The following CLASP1 variants were observed in gnomAD, a reference collection of about 807,000 sequenced individuals.
The protein encoded by CLASP1 is cytoplasmic linker associated protein 1, also known as CLIP-associating protein 1.
CLASP1 carries 38 observed loss-of-function variants against 192.3 expected under a neutral mutation model. The observed-to-expected ratio is 0.20, with a 90% confidence interval of 0.15 to 0.26. The LOEUF is 0.26. CLASP1 is among the 10% of genes least tolerant of loss of function. The probability of loss-of-function intolerance (pLI) is 1.00; values close to 1 mark genes in which losing one functional copy is unlikely to be tolerated. For missense variants in CLASP1, 1,433 were observed against 1,932.5 expected, an observed-to-expected ratio of 0.74 and a Z score of 4.85; for synonymous variants, 691 against 712.8, an observed-to-expected ratio of 0.97 and a Z score of 0.49.
At position 121,394,497 on chromosome 2, in the gene CLASP1, T is replaced by C. The variant is rs150251862; in HGVS notation, c.3123+2643A>G. On this transcript the variant is annotated intron_variant, in intron 30 of 39. Coordinates refer to ENST00000263710, the Ensembl canonical transcript of CLASP1. ...TTAATCTTATTGAGGAACTTGTGCA[T>C]GGGATGAGTTTCTCCCCTCTTGCTG... Among the ~76,000 whole-genome samples the C allele has an allele frequency of 3.9e-5, 6 of 152,342 alleles. No homozygotes were observed. The East Asian group carries it at 7.7e-4, about 20-fold the overall frequency.
rs542488523 is a variant in CLASP1 at position 121,422,690 on chromosome 2, T to C, written c.2212+2449A>G. 3.9e-5 allele frequency among the ~76,000 whole-genome samples: 6 copies of C among 152,276 alleles called. No individual in the cohort carries two copies. In the South Asian group the frequency reaches 8.3e-4, roughly 21 times the overall value. On this transcript the variant is annotated intron_variant, in intron 22 of 39. Coordinates refer to ENST00000263710, the Ensembl canonical transcript of CLASP1. The stretch of plus-strand genomic sequence containing the variant: ...AATAGGAATTACAGGCTGTTCTGCT[T>C]AAGAAAATCTAAATGCCAAAGAAGA...
At chr2:121,458,931 T>G in exon 13 of CLASP1, 1 of 1,613,026 alleles carries the variant, frequency 6.2e-7, no homozygotes, top group Non-Finnish European at 8.5e-7. Flanking sequence ...CATAATGGCT[T>G]CAGCTCCATG....
chr2:121,635,796 T>G (rs1372481572), intron 1 of CLASP1, among the ~76,000 whole-genome samples: 1 of 152,226 alleles, frequency 6.6e-6, no homozygotes, highest in Admixed American at 6.5e-5. Context: ...TTTTTGAGAC[T>G]AAGAGCATTT....
chr2:121,451,175 C>T (rs1328571307), intron 15 of CLASP1, among the ~76,000 whole-genome samples, 185 bp from the exon 16 acceptor site: 1 of 152,228 alleles, frequency 6.6e-6, no homozygotes, highest in Non-Finnish European at 1.5e-5. Flanking sequence ...AACTCCCAAT[C>T]CTGCCCCAAC....
intron 2 of CLASP1, chr2:121,531,129 GTTCT>G: frequency 1.6e-6 from 1 of 620,030 alleles, no homozygotes; most frequent in South Asian, 1.8e-5. Context: ...CGCAAGTAAA[GTTCT>G]TTCAGTTTTT....
At chr2:121,478,146 C>T (rs192868053) in intron 8 of CLASP1, among the ~76,000 whole-genome samples, 4 of 152,146 alleles carry the variant, frequency 2.6e-5, no homozygotes, top group African/African-American at 7.2e-5. Flanking sequence ...TAGCCATGTG[C>T]GACTTATCCC....
intron 8 of CLASP1, among the ~76,000 whole-genome samples, chr2:121,484,336 C>T (rs2092824484): frequency 6.6e-6 from 1 of 152,170 alleles, no homozygotes; most frequent in African/African-American, 2.4e-5. Flanking sequence ...TCTGTGTTCC[C>T]CAGCTCCCAA....
chr2:121,607,739 C>A (rs2064636792), intron 1 of CLASP1, among the ~76,000 whole-genome samples: 1 of 152,176 alleles, frequency 6.6e-6, no homozygotes, highest in South Asian at 2.1e-4. Context: ...GAAAACATAT[C>A]TTTGTTTTCT....
chr2:121,489,256 A>C (rs911758365), intron 8 of CLASP1, among the ~76,000 whole-genome samples: 3 of 152,264 alleles, frequency 2.0e-5, no homozygotes, highest in Non-Finnish European at 4.4e-5. Context: ...TTCTCAATTA[A>C]AGAATACAAA....
At chr2:121,350,576 C>T (rs942111279) in intron 37 of CLASP1, among the ~76,000 whole-genome samples, 7 of 152,174 alleles carry the variant, frequency 4.6e-5, no homozygotes, top group Non-Finnish European at 1.0e-4. Context: ...GTCCCATGAA[C>T]AGGGCTCACT....
At chr2:121,352,718 C>T (rs2064721328) in intron 37 of CLASP1, among the ~76,000 whole-genome samples, 1 of 152,102 alleles carries the variant, frequency 6.6e-6, no homozygotes, top group Non-Finnish European at 1.5e-5. Context: ...GCAATAGAGT[C>T]ATCTGGGCTC....
rs796724515 is a variant in CLASP1, at chr2:121,555,981, C to G, written c.196-25656G>C. ...TGTGAGCCACGGCGCCTGCCCCCTACCCACCGCTTTTTTTTTTTTTTTTTT... is the reference window on the plus strand; with the variant it reads ...TGTGAGCCACGGCGCCTGCCCCCTAGCCACCGCTTTTTTTTTTTTTTTTTT... On this transcript the variant is annotated intron_variant, in intron 2 of 39. Coordinates refer to ENST00000263710, the Ensembl canonical transcript of CLASP1. Among the ~76,000 whole-genome samples, 280 of 139,916 alleles carry G rather than the reference C, an allele frequency of 2.0e-3. 1 individual carries two copies. Among genetic ancestry groups the G allele is most frequent in the African/African-American group, 7.4e-3 (268 of 36,034 alleles). 91.8% of individuals were successfully genotyped at this position (139,916 alleles called of 152,430 possible).
chr2:121,589,580 A>G (rs2062130154), intron 2 of CLASP1, among the ~76,000 whole-genome samples: 3 of 151,420 alleles, frequency 2.0e-5, no homozygotes, highest in Admixed American at 6.6e-5. Flanking sequence ...CGGTGAGCCA[A>G]GGCCGTACCA....
At chr2:121,448,410 T>C (rs1377712232) in intron 17 of CLASP1, 85 bp from the exon 18 acceptor site, 1 of 1,225,996 alleles carries the variant, frequency 8.2e-7, no homozygotes, top group Non-Finnish European at 1.2e-6. Context: ...ATTATTACAA[T>C]GAAGAATTAT....
intron 2 of CLASP1, among the ~76,000 whole-genome samples, chr2:121,562,674 T>G (rs911878625): frequency 2.6e-5 from 4 of 152,210 alleles, no homozygotes; most frequent in Non-Finnish European, 4.4e-5. Context: ...AGATCAAACA[T>G]AAGCACAGAA....
rs145059368 is a variant in CLASP1 at position 121,458,736 on chromosome 2, T to C, written c.1314+104A>G. On this transcript the variant is annotated intron_variant, in intron 13 of 39. Coordinates refer to ENST00000263710, the Ensembl canonical transcript of CLASP1. ...ATTCCAATATAATTATGCTAATAAA[T>C]TTAATGACTCAATATAATTATGTTA... is the stretch of plus-strand genomic sequence containing the variant. The C allele has an allele frequency of 4.3e-4, 370 of 867,322 alleles. 3 individuals carry two copies. The East Asian group carries it at 0.011, about 26-fold the overall frequency. 53.7% of individuals were successfully genotyped at this position (867,322 alleles called of 1,614,324 possible).
intron 8 of CLASP1, among the ~76,000 whole-genome samples, chr2:121,477,059 T>C (rs2091714110): frequency 6.6e-6 from 1 of 152,236 alleles, no homozygotes. Flanking sequence ...TGCCCGGCTC[T>C]AACTTGCGTG....
At chr2:121,481,265 C>G (rs1337742931) in intron 8 of CLASP1, among the ~76,000 whole-genome samples, 3 of 151,984 alleles carry the variant, frequency 2.0e-5, no homozygotes, top group Admixed American at 1.3e-4. Context: ...GAATTAGGAA[C>G]ATAATTTTCT....
chr2:121,396,298 T>C (rs1205136895), intron 30 of CLASP1, among the ~76,000 whole-genome samples: 5 of 152,162 alleles, frequency 3.3e-5, no homozygotes, highest in South Asian at 2.1e-4. Context: ...CCAGTGGAGA[T>C]AAAGCTTTGC....
Sources: gnomAD v4.1 joint callset for allele counts (sites outside exome capture counted in the v4.1 genomes callset) on GRCh38, gnomAD v4.1.1 for gene constraint, MANE v1.5 for transcripts, NCBI Gene and HGNC (gene_info 2026-07-23, HGNC 2026-07-21) for gene names.